The following BLMH variants were observed in gnomAD, a reference collection of about 807,000 sequenced individuals.
BLMH encodes the protein bleomycin hydrolase.
A neutral mutation model predicts 61.6 loss-of-function variants in BLMH; 32 were observed. The ratio of observed to expected loss-of-function variants is 0.52; its 90% CI spans 0.39 to 0.70. The LOEUF (loss-of-function observed/expected upper bound fraction) is 0.70. BLMH is among the 30% of genes least tolerant of loss of function. The pLI, the probability that BLMH is intolerant of heterozygous loss-of-function variation, is 0.00. For synonymous variants in BLMH, 183 were observed against 193.8 expected (o/e 0.94, Z 0.46); for missense variants, 460 against 555.5 (o/e 0.83, Z 1.73).
At chr17:30,273,228 G>C (rs1055790846) in intron 7 of BLMH, 1 of 185,922 alleles carries the variant, frequency 5.4e-6, no homozygotes, top group African/African-American at 2.4e-5. Context: ...GTGCAATGGC[G>C]CCATCTCGGC....
At chr17:30,259,444 C>T (rs1056229549) in intron 11 of BLMH, among the ~76,000 whole-genome samples, 6 of 152,118 alleles carry the variant, frequency 3.9e-5, no homozygotes, top group Admixed American at 6.5e-5. Flanking sequence ...GCTTCCTAGG[C>T]GCTCTCTCCA....
chr17:30,289,438 A>C lies in BLMH; in HGVS notation c.256T>G (p.Phe86Val). 6.2e-7 allele frequency: 1 copy of C among 1,612,792 alleles called. No homozygotes were observed. Among genetic ancestry groups the C allele is most frequent in the Non-Finnish European group, 8.5e-7 (1 of 1,179,310 alleles). The part of the protein sequence containing the change: ...FSCLNVMRLP[F>V]MKKLNIEEFE... ...TCTTCAATATTTAACTTTTTCATGA[A>C]TGGAAGCCTCATAACATTCAGACAA... is the stretch of plus-strand genomic sequence containing the variant. Residue 86 changes from phenylalanine (F) to valine (V), a missense_variant, in exon 3 of 12, where the codon TTC (phenylalanine) becomes GTC (valine). Physicochemically the swap from Phe to Val is conservative, Grantham distance 50 (BLOSUM62 -1). Around this residue, in one of 5 missense-constraint regions of BLMH, gnomAD observed 43 missense variants for 38.8 expected, o/e 1.11. Coordinates refer to ENST00000261714, the MANE Select transcript of BLMH (RefSeq NM_000386.4).
At chr17:30,273,021 C>T (rs1434460157) in intron 7 of BLMH, 122 bp from the exon 8 acceptor site, 1 of 1,072,722 alleles carries the variant, frequency 9.3e-7, no homozygotes, top group Middle Eastern at 3.0e-4. Flanking sequence ...CTAAGTACTA[C>T]AGCCACATTG....
At chr17:30,267,158 A>T (rs932984848) in intron 10 of BLMH, among the ~76,000 whole-genome samples, 5 of 152,212 alleles carry the variant, frequency 3.3e-5, no homozygotes, top group Admixed American at 6.5e-5. Context: ...CTCCAGTAGA[A>T]ATGGAATTTG....
chr17:30,283,831 A>T (rs757302841), intron 6 of BLMH, among the ~76,000 whole-genome samples: 3 of 151,940 alleles, frequency 2.0e-5, no homozygotes, highest in Non-Finnish European at 4.4e-5. Flanking sequence ...CCACCATCTT[A>T]ATCTAACCCT....
rs759268478 is a variant in BLMH at position 30,272,869 on chromosome 17, G to A, written c.832C>T (p.His278Tyr). 1 of 1,614,020 alleles carries A rather than the reference G, an allele frequency of 6.2e-7. No homozygotes were observed. Among genetic ancestry groups the A allele is most frequent in the East Asian group, 2.2e-5 (1 of 44,870 alleles). The stretch of plus-strand genomic sequence containing the variant: ...ACTGTGTAAAGTTTGTTGTACTTGT[G>A]CTGGGGCCTAGGGTCATTCACTAAA... Reference protein sequence around the residue: ...ICLVNDPRPQHKYNKLYTVEY... With the variant: ...ICLVNDPRPQYKYNKLYTVEY... The change falls in exon 8 of 12, where the codon CAC becomes TAC. Residue 278 changes from histidine (H) to tyrosine (Y), a missense_variant. By Grantham distance (83) the His-to-Tyr change is moderately conservative (BLOSUM62 2). This residue lies in a region of BLMH where 310 missense variants were observed against 371.1 expected (regional missense o/e 0.84). Coordinates refer to ENST00000261714, the MANE Select transcript of BLMH (RefSeq NM_000386.4).
At chr17:30,273,010 G>T in intron 7 of BLMH, 111 bp from the exon 8 acceptor site, 1 of 1,197,072 alleles carries the variant, frequency 8.4e-7, no homozygotes, top group Non-Finnish European at 1.2e-6. Context: ...CTGCCTACAA[G>T]CTAAGTACTA....
At chr17:30,284,756 C>T (rs1024759741) in intron 6 of BLMH, among the ~76,000 whole-genome samples, 1 of 152,228 alleles carries the variant, frequency 6.6e-6, no homozygotes, top group Non-Finnish European at 1.5e-5. Context: ...ATCGATCCAA[C>T]ATCCCTTACA....
chr17:30,283,934 C>T (rs1044574493), intron 6 of BLMH, among the ~76,000 whole-genome samples: 3 of 152,188 alleles, frequency 2.0e-5, no homozygotes, highest in Non-Finnish European at 2.9e-5. Flanking sequence ...ACTCCTGCTA[C>T]GTGCCAGGCA....
intron 6 of BLMH, among the ~76,000 whole-genome samples, chr17:30,282,057 G>A (rs1290274573): frequency 1.3e-5 from 2 of 151,872 alleles, no homozygotes; most frequent in Admixed American, 6.6e-5. Context: ...GTCTTTGATT[G>A]ACTGATCGAT....
At chr17:30,250,583 A>G (rs921413626) in intron 11 of BLMH, among the ~76,000 whole-genome samples, 1 of 152,222 alleles carries the variant, frequency 6.6e-6, no homozygotes, top group African/African-American at 2.4e-5. Context: ...AAGCAAAAAA[A>G]TTACAGATGT....
chr17:30,266,373 A>C (rs897215308), intron 11 of BLMH, among the ~76,000 whole-genome samples: 1 of 152,048 alleles, frequency 6.6e-6, no homozygotes, highest in African/African-American at 2.4e-5. Flanking sequence ...TAAAAATACA[A>C]AATCAGCTGG....
chr17:30,258,606 A>G (rs1380616847), intron 11 of BLMH, among the ~76,000 whole-genome samples: 1 of 152,148 alleles, frequency 6.6e-6, no homozygotes, highest in East Asian at 1.9e-4. Flanking sequence ...GTGCCCCTCT[A>G]CTAAGGAGCC....
At chr17:30,252,271 G>A (rs1215859023) in intron 11 of BLMH, 1 of 152,142 alleles carries the variant, frequency 6.6e-6, no homozygotes, top group Non-Finnish European at 1.5e-5. Context: ...GCTAAAAGGT[G>A]TGACAAAGGG....
chr17:30,280,962 C>A (rs941644339), intron 6 of BLMH, among the ~76,000 whole-genome samples: 1 of 151,910 alleles, frequency 6.6e-6, no homozygotes, highest in Non-Finnish European at 1.5e-5. Flanking sequence ...AAGGAACCTA[C>A]CTTAGTGACT....
intron 6 of BLMH, among the ~76,000 whole-genome samples, chr17:30,281,066 G>T (rs376658938): frequency 0.038 from 4,923 of 130,704 alleles, 119 homozygotes; most frequent in Middle Eastern, 0.066. Flanking sequence ...AAAGATCTGT[G>T]TTTTTTTTTT....
At chr17:30,257,968 T>C (rs1907860154) in intron 11 of BLMH, among the ~76,000 whole-genome samples, 1 of 152,144 alleles carries the variant, frequency 6.6e-6, no homozygotes, top group South Asian at 2.1e-4. Flanking sequence ...CCTATTTTTG[T>C]TGGGTCCATT....
chr17:30,281,092 GT>G (rs11316556), intron 6 of BLMH, among the ~76,000 whole-genome samples: 13,317 of 129,358 alleles, frequency 0.1, 911 homozygotes, highest in African/African-American at 0.2. Context: ...TTTCTTTGTT[GT>G]TTTTTTTTTT....
intron 11 of BLMH, among the ~76,000 whole-genome samples, chr17:30,256,699 T>C (rs1907826439): frequency 6.9e-6 from 1 of 144,200 alleles, no homozygotes; most frequent in Non-Finnish European, 1.5e-5. Flanking sequence ...GTTATGCTTA[T>C]AAACATTTTT....
Sources: allele counts gnomAD v4.1 joint callset (sites outside exome capture counted in the v4.1 genomes callset), GRCh38; gene constraint gnomAD v4.1.1; regional missense constraint gnomAD v4.1.1; transcripts MANE v1.5; gene names NCBI Gene and HGNC (gene_info 2026-07-23, HGNC 2026-07-21).